The following STAM2 variants were observed in gnomAD, a reference collection of about 807,000 sequenced individuals.
The protein encoded by STAM2 is signal transducing adapter molecule 2.
In STAM2, 51 loss-of-function variants were observed where a neutral mutation model predicts 65.6. That is an observed-to-expected ratio of 0.78 (90% confidence interval 0.62 to 0.98). The LOEUF (loss-of-function observed/expected upper bound fraction) is 0.98. STAM2 is among the 50% of genes least tolerant of loss of function. The pLI, the probability that STAM2 is intolerant of heterozygous loss-of-function variation, is 0.00. For synonymous variants in STAM2, 198 were observed against 208.4 expected, an observed-to-expected ratio of 0.95 and a Z score of 0.43; for missense variants, 584 against 617.8, an observed-to-expected ratio of 0.95 and a Z score of 0.58.
intron 5 of STAM2, among the ~76,000 whole-genome samples, chr2:152,145,572 C>T (rs756865719): frequency 6.6e-6 from 1 of 152,156 alleles, no homozygotes; most frequent in African/African-American, 2.4e-5. Flanking sequence ...ATTGTATTCC[C>T]GATCTCAATT....
chr2:152,147,954 C>T (rs980270227), intron 4 of STAM2, 70 bp downstream of exon 4: 1 of 1,105,638 alleles, frequency 9.0e-7, no homozygotes, highest in Non-Finnish European at 1.3e-6. Flanking sequence ...AGTAATGCCA[C>T]ATATAGTTAT....
intron 8 of STAM2, among the ~76,000 whole-genome samples, chr2:152,134,012 A>G (rs1017901063): frequency 1.3e-5 from 2 of 152,240 alleles, no homozygotes; most frequent in African/African-American, 4.8e-5. Flanking sequence ...GATAATAGTT[A>G]AAACAACACT....
chr2:152,119,818 C>T lies in STAM2; in HGVS notation c.*756G>A, dbSNP rs1373676680. ...ACAGTTGGCATGACTGTTTGGGGGA[C>T]TGACTAAATGCTTTATCACACATCT... On this transcript the variant is annotated 3_prime_UTR_variant, in exon 14 of 14. Coordinates refer to ENST00000263904, the MANE Select transcript of STAM2 (RefSeq NM_005843.6). 6.6e-6 allele frequency: 1 copy of T among 152,182 alleles called. No individual in the cohort carries two copies. The highest frequency in any genetic ancestry group is 1.5e-5 in the Non-Finnish European group (1 of 68,016). 9.4% of individuals were successfully genotyped at this position (152,182 alleles called of 1,614,324 possible).
At chr2:152,146,570 C>T (rs773356073) in intron 5 of STAM2, among the ~76,000 whole-genome samples, 2 of 152,186 alleles carry the variant, frequency 1.3e-5, no homozygotes, top group Non-Finnish European at 2.9e-5. Context: ...GAAGCATTCA[C>T]TCTAGGCATA....
At chr2:152,121,449 T>C (rs1688851601) in intron 13 of STAM2, among the ~76,000 whole-genome samples, 1 of 152,194 alleles carries the variant, frequency 6.6e-6, no homozygotes, top group African/African-American at 2.4e-5. Context: ...CCATTTGCAA[T>C]GAGAATGGAG....
In STAM2 at chr2:152,120,343, A is replaced by T. The variant is rs1041432082; in HGVS notation, c.*231T>A. 5 of 518,684 alleles carry T rather than the reference A, an allele frequency of 9.6e-6. No homozygotes were observed. The highest frequency in any genetic ancestry group is 6.8e-6 in the Non-Finnish European group (2 of 292,546). 32.1% of individuals were successfully genotyped at this position (518,684 alleles called of 1,614,324 possible). Reference sequence around the variant, plus strand: ...TGAAAGTAAGACAAAACTAACTGAAAGCATCTTTAAGCTGCCTCTGATGAA... The same window carrying T: ...TGAAAGTAAGACAAAACTAACTGAATGCATCTTTAAGCTGCCTCTGATGAA... On this transcript the variant is annotated 3_prime_UTR_variant, in exon 14 of 14. Transcript: ENST00000263904.
chr2:152,173,361 CACATATATAT>C (rs778005945), intron 1 of STAM2, among the ~76,000 whole-genome samples: 1 of 142,706 alleles, frequency 7.0e-6, no homozygotes, highest in African/African-American at 2.6e-5. Context: ...CGTATATACA[CACATATATAT>C]ACATATATAT....
chr2:152,155,675 T>C (rs1306204282), intron 1 of STAM2, among the ~76,000 whole-genome samples: 2 of 152,250 alleles, frequency 1.3e-5, no homozygotes, highest in East Asian at 1.9e-4. Flanking sequence ...TGTTTGTTTA[T>C]GATGCAGTTT....
chr2:152,147,035 G>T, intron 5 of STAM2, 127 bp downstream of exon 5: 1 of 863,640 alleles, frequency 1.2e-6, no homozygotes, highest in Non-Finnish European at 1.7e-6. Context: ...AAGGCACTAT[G>T]CTAGAGAGTC....
intron 13 of STAM2, among the ~76,000 whole-genome samples, chr2:152,121,841 G>A (rs1017665851): frequency 2.0e-5 from 3 of 151,822 alleles, no homozygotes; most frequent in African/African-American, 4.8e-5. Context: ...TCAGGAGATC[G>A]AGACCATCCT....
intron 1 of STAM2, among the ~76,000 whole-genome samples, chr2:152,165,417 C>T (rs1238655206): frequency 2.6e-5 from 4 of 151,778 alleles, no homozygotes; most frequent in African/African-American, 4.8e-5. Context: ...GGCAACAGAA[C>T]GAGACTCTGT....
intron 1 of STAM2, among the ~76,000 whole-genome samples, chr2:152,164,732 T>C (rs1412727550): frequency 6.6e-6 from 1 of 152,192 alleles, no homozygotes; most frequent in African/African-American, 2.4e-5. Flanking sequence ...TGCCATTCTA[T>C]TCATTTCTCA....
At chr2:152,160,939 C>A (rs1689660936) in intron 1 of STAM2, among the ~76,000 whole-genome samples, 2 of 151,848 alleles carry the variant, frequency 1.3e-5, no homozygotes, top group Non-Finnish European at 2.9e-5. Context: ...TCTGCCCAGC[C>A]GCCCCTACTG....
At chr2:152,153,730 TG>T (rs1435876199) in intron 1 of STAM2, among the ~76,000 whole-genome samples, 2 of 152,196 alleles carry the variant, frequency 1.3e-5, no homozygotes, top group Non-Finnish European at 2.9e-5. Flanking sequence ...CAGACTATAC[TG>T]TTTTAGAGGC....
chr2:152,175,569 C>G (rs1462927642), intron 1 of STAM2, 34 bp downstream of exon 1: 1 of 1,613,610 alleles, frequency 6.2e-7, no homozygotes, highest in East Asian at 2.2e-5. Context: ...CAGGGCCAGG[C>G]ACACAGCAGT....
intron 8 of STAM2, among the ~76,000 whole-genome samples, chr2:152,133,866 C>A (rs879076024): frequency 1.3e-5 from 2 of 152,104 alleles, no homozygotes; most frequent in African/African-American, 4.8e-5. Context: ...TATATGACAG[C>A]AGACTATTAT....
chr2:152,142,536 G>A (rs1316979641), intron 7 of STAM2, among the ~76,000 whole-genome samples: 1 of 152,128 alleles, frequency 6.6e-6, no homozygotes, highest in African/African-American at 2.4e-5. Context: ...TCAAACTCAT[G>A]ATGGCATGAC....
chr2:152,138,168 T>A (rs1168052207), intron 7 of STAM2, among the ~76,000 whole-genome samples: 2 of 152,152 alleles, frequency 1.3e-5, no homozygotes, highest in Non-Finnish European at 2.9e-5. Context: ...AAAAAAGAAA[T>A]CTTTGCAATA....
At chr2:152,169,795 T>A (rs1277613114) in intron 1 of STAM2, among the ~76,000 whole-genome samples, 3 of 151,974 alleles carry the variant, frequency 2.0e-5, no homozygotes, top group Admixed American at 6.5e-5. Context: ...CAACAGGAAT[T>A]TCACTGCTGA....
Sources: gnomAD v4.1 joint callset for allele counts (sites outside exome capture counted in the v4.1 genomes callset) on GRCh38, gnomAD v4.1.1 for gene constraint, MANE v1.5 for transcripts, NCBI Gene and HGNC (gene_info 2026-07-23, HGNC 2026-07-21) for gene names.